The following YAE1 variants were observed in gnomAD, a reference collection of about 807,000 sequenced individuals.
YAE1 encodes YAE1 maturation factor of ABCE1, also known as protein YAE1 homolog.
Under a neutral mutation model 23.0 loss-of-function variants are expected in YAE1, and 22 were observed. The observed-to-expected ratio is 0.96, with a 90% CI of 0.68 to 1.37. YAE1 has a LOEUF of 1.37. Among genes scored for constraint, YAE1 ranks in the 40% most tolerant of loss-of-function variants. The pLI is 0.00. For synonymous variants in YAE1, 101 were observed against 97.0 expected (o/e 1.04, Z -0.24); for missense variants, 260 against 262.1 (o/e 0.99, Z 0.06).
downstream of YAE1, among the ~76,000 whole-genome samples, chr7:39,574,282 C>T (rs1027195390): frequency 8.5e-5 from 13 of 152,158 alleles, no homozygotes; most frequent in African/African-American, 2.4e-4. Context: ...AAACATCTCT[C>T]GAACTTGTTT....
chr7:39,574,513 G>A (rs1376829191), downstream of YAE1, among the ~76,000 whole-genome samples: 1 of 152,000 alleles, frequency 6.6e-6, no homozygotes, highest in Non-Finnish European at 1.5e-5. Flanking sequence ...CAGGTGGATT[G>A]CCTGACCTCA....
At chr7:39,597,544 G>GCCATT (rs1486950798) in intron 2 of YAE1, among the ~76,000 whole-genome samples, 1 of 152,162 alleles carries the variant, frequency 6.6e-6, no homozygotes. Context: ...TCATAGCAGT[G>GCCATT]CCATTCCTAA....
intron 2 of YAE1, among the ~76,000 whole-genome samples, chr7:39,586,128 T>A (rs1163885212): frequency 6.6e-6 from 1 of 151,768 alleles, no homozygotes; most frequent in African/African-American, 2.4e-5. Context: ...TAGGTATCAG[T>A]CTATGTCAGT....
downstream of YAE1, chr7:39,610,337 A>AT (rs1426862289): frequency 1.3e-5 from 6 of 476,008 alleles, no homozygotes; most frequent in Non-Finnish European, 2.5e-5. Flanking sequence ...GTTGCTATAC[A>AT]TTTTTTGCAA....
chr7:39,610,753 A>G (rs188263934), downstream of YAE1, among the ~76,000 whole-genome samples: 7 of 152,356 alleles, frequency 4.6e-5, no homozygotes, highest in Non-Finnish European at 7.3e-5. Flanking sequence ...GAAGATACTT[A>G]ATGCTTTGTG....
intron 1 of YAE1, 94 bp from the exon 2 acceptor site, chr7:39,570,412 T>C: frequency 6.8e-7 from 1 of 1,472,608 alleles, no homozygotes; most frequent in Non-Finnish European, 9.3e-7. Context: ...AAAGGCCTAA[T>C]TCATCTGCTT....
intron 1 of YAE1, 139 bp downstream of exon 1, chr7:39,566,686 T>C: frequency 8.4e-7 from 1 of 1,195,574 alleles, no homozygotes; most frequent in Non-Finnish European, 1.1e-6. Context: ...ACCCGCGTCT[T>C]GCTAGGATTT....
chr7:39,607,920 T>G (rs988866099), intron 2 of YAE1, among the ~76,000 whole-genome samples: 1 of 152,208 alleles, frequency 6.6e-6, no homozygotes, highest in African/African-American at 2.4e-5. Flanking sequence ...CCACCTGCCT[T>G]GGCCTCCCAA....
At chr7:39,578,789 A>C (rs1448257084) in intron 2 of YAE1, among the ~76,000 whole-genome samples, 2 of 152,242 alleles carry the variant, frequency 1.3e-5, no homozygotes, top group African/African-American at 4.8e-5. Flanking sequence ...CAGTGAGACC[A>C]AGAATCCACC....
At chr7:39,566,885 A>T in intron 1 of YAE1, 1 of 209,538 alleles carries the variant, frequency 4.8e-6, no homozygotes, top group Non-Finnish European at 9.9e-6. Flanking sequence ...CTGTCAAAGG[A>T]CGTGTACGCA....
chr7:39,594,342 G>A (rs917720996), intron 2 of YAE1, among the ~76,000 whole-genome samples: 1 of 152,140 alleles, frequency 6.6e-6, no homozygotes, highest in Non-Finnish European at 1.5e-5. Flanking sequence ...TACATAACCT[G>A]TATGATTATG....
At chr7:39,587,355 A>G (rs1192436519) in intron 2 of YAE1, among the ~76,000 whole-genome samples, 1 of 152,024 alleles carries the variant, frequency 6.6e-6, no homozygotes, top group Non-Finnish European at 1.5e-5. Flanking sequence ...CAGCCTGGGC[A>G]ACAGAGCGAG....
chr7:39,603,012 G>A (rs909595195), intron 2 of YAE1, among the ~76,000 whole-genome samples: 6 of 152,212 alleles, frequency 3.9e-5, no homozygotes, highest in Non-Finnish European at 5.9e-5. Context: ...GCCTTCCAAA[G>A]TGCTGGGATT....
downstream of YAE1, among the ~76,000 whole-genome samples, chr7:39,574,386 C>T (rs2115782045): frequency 6.6e-6 from 1 of 152,008 alleles, no homozygotes; most frequent in African/African-American, 2.4e-5. Context: ...TCACTTGAGT[C>T]CAAGAGTTCA....
chr7:39,586,730 C>T (rs1308044743), intron 2 of YAE1, among the ~76,000 whole-genome samples: 1 of 152,142 alleles, frequency 6.6e-6, no homozygotes, highest in Non-Finnish European at 1.5e-5. Context: ...ATCTCCTGAC[C>T]TCGTGATCCG....
intron 1 of YAE1, chr7:39,569,476 C>T: frequency 6.1e-6 from 3 of 494,818 alleles, no homozygotes; most frequent in Non-Finnish European, 1.2e-5. Flanking sequence ...TCTGAAACAT[C>T]TTCTTTATCC....
At chr7:39,567,745 C>T (rs893016128) in intron 1 of YAE1, among the ~76,000 whole-genome samples, 5 of 152,028 alleles carry the variant, frequency 3.3e-5, no homozygotes, top group African/African-American at 1.2e-4. Context: ...AAGGAGAGAC[C>T]TTTAAAGAAA....
rs1347470141 is a variant in YAE1 at position 39,566,433 on chromosome 7, A to G, written c.15A>G (p.Gln5=). ...TTGCCTCGGTGATGTCGTGGGTTCA[A>G]GCAGCCTCCTTGATCCAGGGCCCTG... is the stretch of plus-strand genomic sequence containing the variant. MSWV[Q]AASLIQGPGD... is the part of the protein sequence containing the mutation. Residue 5 remains glutamine, a synonymous_variant, in exon 1 of 3, where the codon CAA becomes CAG. Transcript: ENST00000223273. The G allele has an allele frequency of 7.4e-6, 12 of 1,614,044 alleles. No homozygotes were observed. The highest frequency in any genetic ancestry group is 1.3e-5 in the African/African-American group (1 of 74,958).
chr7:39,610,931 G>A (rs377465937), downstream of YAE1, among the ~76,000 whole-genome samples: 42 of 152,152 alleles, frequency 2.8e-4, no homozygotes, highest in African/African-American at 9.4e-4. Flanking sequence ...TGGGCGGATC[G>A]CTTGAGGAGA....
Sources: allele counts gnomAD v4.1 joint callset (sites outside exome capture counted in the v4.1 genomes callset), GRCh38; gene constraint gnomAD v4.1.1; transcripts MANE v1.5; gene names NCBI Gene and HGNC (gene_info 2026-07-23, HGNC 2026-07-21).